Variants in ADGRL2 observed in about 807,000 individuals in gnomAD.
ADGRL2 encodes calcium-independent alpha-latrotoxin receptor 2.
A neutral mutation model predicts 157.4 loss-of-function variants in ADGRL2; 44 were observed. The observed-to-expected ratio is 0.28, with a 90% CI of 0.22 to 0.36. ADGRL2 has a LOEUF of 0.36. Ranked by LOEUF, ADGRL2 falls within the 10% of genes least tolerant of loss-of-function variation. The probability of loss-of-function intolerance (pLI) is 1.00; values close to 1 mark genes in which losing one functional copy is unlikely to be tolerated. For missense variants in ADGRL2, 1,510 were observed against 1,768.9 expected, an observed-to-expected ratio of 0.85 and a Z score of 2.63; for synonymous variants, 585 against 624.7, an observed-to-expected ratio of 0.94 and a Z score of 0.95.
intron 2 of ADGRL2, among the ~76,000 whole-genome samples, chr1:81,547,595 G>A (rs993874184): frequency 4.6e-5 from 7 of 152,170 alleles, no homozygotes; most frequent in African/African-American, 1.4e-4. Flanking sequence ...TTATTTGTCT[G>A]GCGGCTTCTC....
chr1:81,646,081 TC>T (rs2082310607), intron 3 of ADGRL2, among the ~76,000 whole-genome samples: 1 of 152,186 alleles, frequency 6.6e-6, no homozygotes, highest in Non-Finnish European at 1.5e-5. Flanking sequence ...ATCTTCTCAC[TC>T]ATCGCAGTGT....
chr1:81,941,983 C>A, intron 4 of ADGRL2, 51 bp from the exon 5 acceptor site: 1 of 745,146 alleles, frequency 1.3e-6, no homozygotes, highest in Non-Finnish European at 2.5e-6. Flanking sequence ...AATCTTTTTT[C>A]TTTTTTCCTT....
At chr1:81,537,260 G>A (rs1186038558) in intron 2 of ADGRL2, among the ~76,000 whole-genome samples, 1 of 152,002 alleles carries the variant, frequency 6.6e-6, no homozygotes, top group Non-Finnish European at 1.5e-5. Context: ...AAAACTTACA[G>A]TATGACTATT....
chr1:81,662,399 G>A (rs151279741), intron 3 of ADGRL2, among the ~76,000 whole-genome samples: 155 of 151,918 alleles, frequency 1.0e-3, no homozygotes, highest in African/African-American at 3.6e-3. Flanking sequence ...GGGATTACAG[G>A]TGCATGCCAC....
intron 1 of ADGRL2, among the ~76,000 whole-genome samples, chr1:81,397,734 T>C (rs936235179): frequency 6.6e-6 from 1 of 152,194 alleles, no homozygotes; most frequent in African/African-American, 2.4e-5. Flanking sequence ...GCCTAACATG[T>C]GGTCTATGCT....
At chr1:81,431,573 T>C (rs1347516735) in intron 1 of ADGRL2, among the ~76,000 whole-genome samples, 8 of 152,206 alleles carry the variant, frequency 5.3e-5, no homozygotes, top group Non-Finnish European at 1.0e-4. Flanking sequence ...GGAACTGATT[T>C]AAAATGCAAA....
intron 1 of ADGRL2, among the ~76,000 whole-genome samples, chr1:81,363,496 G>T (rs1361644303): frequency 3.3e-5 from 5 of 152,064 alleles, no homozygotes; most frequent in African/African-American, 7.2e-5. Flanking sequence ...CCACTGGGTA[G>T]AATTATCACA....
At chr1:81,328,560 A>C (rs1661054814) in intron 1 of ADGRL2, among the ~76,000 whole-genome samples, 1 of 152,118 alleles carries the variant, frequency 6.6e-6, no homozygotes, top group Non-Finnish European at 1.5e-5. Flanking sequence ...ACTTATTATA[A>C]AGTGAATTCA....
upstream of ADGRL2, among the ~76,000 whole-genome samples, chr1:81,795,948 A>T (rs1316107407): frequency 6.6e-6 from 1 of 152,178 alleles, no homozygotes; most frequent in Admixed American, 6.5e-5. Context: ...GTTTGTGTGC[A>T]CTAAAAGGGG....
rs1458750210 is a variant in ADGRL2, at chr1:81,817,893, G to T, written c.-101+16825G>T. ...TGAATGATTTCTTTTGGCCAAGTGC[G>T]GTGTCTCATGCTTATAATCCCAGCG... On this transcript the variant is annotated intron_variant, in intron 1 of 23. Transcript: ENST00000686636. 2.0e-5 allele frequency among the ~76,000 whole-genome samples: 3 copies of T among 151,942 alleles called. No homozygotes were observed. The East Asian group carries it at 5.8e-4, about 29-fold the overall frequency.
intron 1 of ADGRL2, among the ~76,000 whole-genome samples, chr1:81,384,637 C>A (rs1031541654): frequency 6.6e-6 from 1 of 152,102 alleles, no homozygotes; most frequent in Non-Finnish European, 1.5e-5. Flanking sequence ...GCCACTATCA[C>A]GATAATTTTA....
intron 2 of ADGRL2, among the ~76,000 whole-genome samples, chr1:81,900,663 G>A (rs892945307): frequency 2.6e-5 from 4 of 152,194 alleles, no homozygotes; most frequent in Admixed American, 2.6e-4. Context: ...AACTTTCTGT[G>A]CATTCTTAAC....
Position 81,943,478 on chromosome 1 carries a change from G to A in ADGRL2, c.919G>A (p.Glu307Lys), listed in dbSNP as rs1355443553. ...CACTCTTCGATTTGAAGCAACGTGGGAGACTGTATACGACAAACGTGCCGC... is the reference window on the plus strand; with the variant it reads ...CACTCTTCGATTTGAAGCAACGTGGAAGACTGTATACGACAAACGTGCCGC... ...PYTLRFEATW[E>K]TVYDKRAASN... is the part of the protein sequence containing the mutation. Residue 307 changes from glutamate to lysine, a missense_variant, in exon 6 of 24, where the codon GAG becomes AAG. Around this residue, in one of 4 missense-constraint regions of ADGRL2, gnomAD observed 361 missense variants for 498.4 expected, o/e 0.72. Coordinates refer to ENST00000686636, the MANE Select transcript of ADGRL2 (RefSeq NM_001366006.2). This position sits in a 1 kb window ranked among gnomAD's most constrained non-coding sequence, Gnocchi z 5.6. 3.1e-6 allele frequency: 5 copies of A among 1,613,644 alleles called. No individual in the cohort carries two copies. Among genetic ancestry groups the A allele is most frequent in the Non-Finnish European group, 4.2e-6 (5 of 1,179,780 alleles).
intron 1 of ADGRL2, among the ~76,000 whole-genome samples, chr1:81,700,727 AG>A (rs2083550559): frequency 6.6e-6 from 1 of 152,214 alleles, no homozygotes; most frequent in Non-Finnish European, 1.5e-5. Flanking sequence ...AAGATAGGAG[AG>A]GAAAAGCATA....
At chr1:81,931,963 G>C (rs1381878595) in intron 3 of ADGRL2, among the ~76,000 whole-genome samples, 1 of 152,064 alleles carries the variant, frequency 6.6e-6, no homozygotes, top group African/African-American at 2.4e-5. Flanking sequence ...GACATTATTC[G>C]CAAGGCCTAC....
At chr1:81,518,659 A>G (rs2079238528) in intron 2 of ADGRL2, among the ~76,000 whole-genome samples, 2 of 152,148 alleles carry the variant, frequency 1.3e-5, no homozygotes, top group East Asian at 3.9e-4. Context: ...GAGGTATTTA[A>G]CTTCTCTGTG....
intron 2 of ADGRL2, chr1:81,502,746 T>A: frequency 6.2e-7 from 1 of 1,613,766 alleles, no homozygotes; most frequent in Non-Finnish European, 8.5e-7. Flanking sequence ...CAGCAATTGA[T>A]GGCAACCGCA....
In ADGRL2 at chr1:81,420,841, G is replaced by A. The variant is rs140978356; in HGVS notation, c.-301-24195G>A. Among the ~76,000 whole-genome samples, 20 of 152,188 alleles carry A rather than the reference G, an allele frequency of 1.3e-4. 1 individual carries two copies. The East Asian group carries it at 3.5e-3, about 27-fold the overall frequency. ...GCAGCTGCTTCTGTTTGAACTCAGG[G>A]TTATGAAAGATGAACTACATTAAAT... On this transcript the variant is annotated intron_variant, in intron 1 of 24. Coordinates refer to the ADGRL2 transcript ENST00000370721.
intron 2 of ADGRL2, among the ~76,000 whole-genome samples, chr1:81,456,568 G>C (rs1479291789): frequency 6.6e-6 from 1 of 151,850 alleles, no homozygotes; most frequent in African/African-American, 2.4e-5. Context: ...TATTTATGTT[G>C]TATAATTATG....
Sources: gnomAD v4.1 joint callset for allele counts (sites outside exome capture counted in the v4.1 genomes callset) on GRCh38, gnomAD v4.1.1 for gene constraint, gnomAD v4.1.1 regional missense constraint, Gnocchi (gnomAD v3.1) non-coding constraint, MANE v1.5 for transcripts, NCBI Gene and HGNC (gene_info 2026-07-23, HGNC 2026-07-21) for gene names.